Variants in NIBAN1 observed in about 807,000 individuals in gnomAD.
NIBAN1 encodes the protein protein Niban 1.
NIBAN1 carries 81 observed loss-of-function variants against 75.1 expected under a neutral mutation model. That is an observed-to-expected ratio of 1.08 (90% CI 0.90 to 1.30). The LOEUF (loss-of-function observed/expected upper bound fraction) is 1.30, where lower values mean the gene tolerates loss of function less well. NIBAN1 is among the 50% of genes most tolerant of loss of function. The probability of loss-of-function intolerance (pLI) is 0.00; values close to 1 mark genes in which losing one functional copy is unlikely to be tolerated. For synonymous variants in NIBAN1, 436 were observed against 424.8 expected (o/e 1.03, Z -0.32); for missense variants, 1,133 against 1,128.1 (o/e 1.00, Z -0.06).
intron 9 of NIBAN1, among the ~76,000 whole-genome samples, chr1:184,817,383 T>C (rs965534940): frequency 3.3e-5 from 5 of 152,266 alleles, no homozygotes; most frequent in African/African-American, 9.6e-5. Context: ...TTTGGGTATA[T>C]ACCCAGTAAT....
intron 5 of NIBAN1, among the ~76,000 whole-genome samples, chr1:184,844,295 A>G (rs956436964): frequency 3.3e-5 from 5 of 152,248 alleles, no homozygotes; most frequent in African/African-American, 1.2e-4. Flanking sequence ...ACATGAGAGA[A>G]CAAATCACTG....
At chr1:184,805,347 C>T (rs966774936) in intron 11 of NIBAN1, among the ~76,000 whole-genome samples, 11 of 152,160 alleles carry the variant, frequency 7.2e-5, no homozygotes, top group Admixed American at 6.5e-5. Context: ...GAATCAGTTC[C>T]TCATCTGTAC....
At chr1:184,824,182 C>T (rs1202585220) in intron 6 of NIBAN1, among the ~76,000 whole-genome samples, 1 of 152,176 alleles carries the variant, frequency 6.6e-6, no homozygotes, top group Non-Finnish European at 1.5e-5. Context: ...CTCCTAAGCC[C>T]TTCATGATCA....
chr1:184,802,828 C>T (rs148256555), intron 12 of NIBAN1, among the ~76,000 whole-genome samples: 51 of 152,226 alleles, frequency 3.4e-4, no homozygotes, highest in Non-Finnish European at 5.6e-4. Context: ...GTACTTGATA[C>T]CATTTTCTGA....
intron 1 of NIBAN1, among the ~76,000 whole-genome samples, chr1:184,917,975 A>G (rs1192879654): frequency 1.3e-5 from 2 of 152,162 alleles, no homozygotes; most frequent in Non-Finnish European, 2.9e-5. Context: ...AACCCCACTG[A>G]ACTGCCTGTA....
intron 5 of NIBAN1, among the ~76,000 whole-genome samples, chr1:184,876,474 G>C (rs1307636978): frequency 6.6e-6 from 1 of 152,032 alleles, no homozygotes; most frequent in Non-Finnish European, 1.5e-5. Context: ...AAAGTGGGAG[G>C]ATCACTTGAG....
At chr1:184,857,430 C>G (rs569725264) in intron 5 of NIBAN1, among the ~76,000 whole-genome samples, 1 of 152,074 alleles carries the variant, frequency 6.6e-6, no homozygotes, top group African/African-American at 2.4e-5. Context: ...TTTGGATCCC[C>G]CATTGAATAT....
intron 5 of NIBAN1, among the ~76,000 whole-genome samples, chr1:184,843,206 G>A (rs1054415386): frequency 5.9e-5 from 9 of 152,158 alleles, no homozygotes; most frequent in Admixed American, 1.3e-4. Flanking sequence ...TCCTCCCTTC[G>A]GAAGCAGTCA....
At chr1:184,945,625 G>A (rs1658201813) in intron 1 of NIBAN1, among the ~76,000 whole-genome samples, 1 of 152,130 alleles carries the variant, frequency 6.6e-6, no homozygotes, top group Admixed American at 6.5e-5. Flanking sequence ...CATATTTTAA[G>A]TTAAAAGATT....
chr1:184,803,423 C>T (rs922028934), intron 12 of NIBAN1, among the ~76,000 whole-genome samples, 162 bp downstream of exon 12: 2 of 152,226 alleles, frequency 1.3e-5, no homozygotes, highest in African/African-American at 4.8e-5. Context: ...AGAAATAGTG[C>T]AGTCCATGAA....
intron 1 of NIBAN1, among the ~76,000 whole-genome samples, chr1:184,917,202 C>CTTTTT (rs34437861): frequency 2.2e-5 from 3 of 137,504 alleles, no homozygotes; most frequent in Non-Finnish European, 4.7e-5. Flanking sequence ...ATCTCTTCCA[C>CTTTTT]TTTTTTTTTT....
At chr1:184,816,059 T>C (rs541341537) in intron 9 of NIBAN1, among the ~76,000 whole-genome samples, 19 of 152,344 alleles carry the variant, frequency 1.2e-4, no homozygotes, top group African/African-American at 2.9e-4. Flanking sequence ...ATACATCATA[T>C]GTAGATTATA....
chr1:184,823,818 C>T (rs531421277), intron 6 of NIBAN1, 76 bp from the exon 7 acceptor site: 2 of 1,253,668 alleles, frequency 1.6e-6, no homozygotes, highest in East Asian at 2.3e-5. Flanking sequence ...CTAAAAATGT[C>T]CTGATTGGCT....
chr1:184,954,628 T>C (rs925768702), intron 1 of NIBAN1, among the ~76,000 whole-genome samples: 3 of 152,082 alleles, frequency 2.0e-5, no homozygotes, highest in African/African-American at 7.2e-5. Context: ...ATACATCAGA[T>C]TGGAAAAAAG....
intron 1 of NIBAN1, among the ~76,000 whole-genome samples, chr1:184,922,298 G>A (rs1259363368): frequency 1.3e-5 from 2 of 151,642 alleles, no homozygotes; most frequent in Admixed American, 1.3e-4. Context: ...AATTATTGTT[G>A]ACTGTAGTCT....
Position 184,831,933 on chromosome 1 carries a change from G to C in NIBAN1, c.631C>G (p.Gln211Glu). 1.2e-6 allele frequency: 2 copies of C among 1,613,930 alleles called. No individual in the cohort carries two copies. Among genetic ancestry groups the C allele is most frequent in the Non-Finnish European group, 1.7e-6 (2 of 1,179,890 alleles). ...DYMKQMTFEA[Q>E]AFLEAVQFFR... ...AATTGCACAGCTTCTAAAAAGGCTTGGGCTTCAAATGTCATCTGCTTCATG... is the reference window on the plus strand; with the variant it reads ...AATTGCACAGCTTCTAAAAAGGCTTCGGCTTCAAATGTCATCTGCTTCATG... Residue 211 changes from glutamine to glutamate, a missense_variant, in exon 6 of 14, where the codon CAA (glutamine) becomes GAA (glutamate). Coordinates refer to ENST00000367511, the MANE Select transcript of NIBAN1 (RefSeq NM_052966.4).
At chr1:184,876,761 T>C (rs1036252480) in intron 5 of NIBAN1, among the ~76,000 whole-genome samples, 1 of 152,186 alleles carries the variant, frequency 6.6e-6, no homozygotes, top group Non-Finnish European at 1.5e-5. Flanking sequence ...GTTTAAGATC[T>C]TCTCACAAAG....
At chr1:184,871,298 G>A (rs1409730624) in intron 5 of NIBAN1, among the ~76,000 whole-genome samples, 1 of 128,176 alleles carries the variant, frequency 7.8e-6, no homozygotes, top group Non-Finnish European at 1.6e-5. Flanking sequence ...AATGAGCTGA[G>A]ATCATGTCAT....
At chr1:184,913,549 A>G (rs921330907) in intron 1 of NIBAN1, among the ~76,000 whole-genome samples, 1 of 152,228 alleles carries the variant, frequency 6.6e-6, no homozygotes, top group Non-Finnish European at 1.5e-5. Context: ...CATAAAAGAC[A>G]AGTTGTAAAT....
Sources: gnomAD v4.1 joint callset for allele counts (sites outside exome capture counted in the v4.1 genomes callset) on GRCh38, gnomAD v4.1.1 for gene constraint, MANE v1.5 for transcripts, NCBI Gene and HGNC (gene_info 2026-07-23, HGNC 2026-07-21) for gene names.